TTYH2: variants seen among roughly 807,000 people sequenced by gnomAD.
TTYH2 encodes the protein tweety family member 2.
TTYH2 carries 49 observed loss-of-function variants against 68.3 expected under a neutral mutation model. The observed-to-expected ratio is 0.72, with a 90% confidence interval of 0.57 to 0.91. The LOEUF (loss-of-function observed/expected upper bound fraction) is 0.91. Among genes scored for constraint, TTYH2 ranks in the 40% least tolerant of loss-of-function variants. The pLI, the probability that TTYH2 is intolerant of heterozygous loss-of-function variation, is 0.00. For missense variants in TTYH2, 631 were observed against 700.4 expected, an observed-to-expected ratio of 0.90 and a Z score of 1.12; for synonymous variants, 272 against 300.8, an observed-to-expected ratio of 0.90 and a Z score of 0.99.
rs185279437 is a variant in TTYH2 at position 74,233,133 on chromosome 17, C to T, written c.414+2134C>T. 9.8e-5 allele frequency among the ~76,000 whole-genome samples: 15 copies of T among 152,294 alleles called. No homozygotes were observed. The East Asian group carries it at 2.9e-3, about 29-fold the overall frequency. The stretch of plus-strand genomic sequence containing the variant: ...CAGGGCTTCACACTGGTCCAGCCAG[C>T]CCATAGCTGCCTCCAGCCTGTGGGT... On this transcript the variant is annotated intron_variant, in intron 3 of 13. Transcript: ENST00000269346.
At chr17:74,228,988 G>A (rs901859813) in intron 2 of TTYH2, among the ~76,000 whole-genome samples, 1 of 152,154 alleles carries the variant, frequency 6.6e-6, no homozygotes, top group Non-Finnish European at 1.5e-5. Context: ...GATGGGGCAC[G>A]GTGCAGAACT....
chr17:74,237,047 C>G (rs1255548747), intron 3 of TTYH2, among the ~76,000 whole-genome samples: 1 of 152,074 alleles, frequency 6.6e-6, no homozygotes, highest in Non-Finnish European at 1.5e-5. Context: ...TAGGTACATG[C>G]CACCACACCT....
In TTYH2 at chr17:74,222,944, G is replaced by C. The variant is rs1312835519; in HGVS notation, c.302+287G>C. On this transcript the variant is annotated intron_variant, in intron 2 of 13. Transcript: ENST00000269346. This position sits in a 1 kb window ranked among gnomAD's most constrained non-coding sequence, Gnocchi z 5.2. ...AGGCAGCATTTCTGCACCGACACTG[G>C]GCATCTCCAGTCTCTGTCCCTGGCC... Among the ~76,000 whole-genome samples the C allele has an allele frequency of 7.2e-5, 11 of 152,056 alleles. No individual in the cohort carries two copies. Among genetic ancestry groups the C allele is most frequent in the Non-Finnish European group, 5.9e-5 (4 of 68,024 alleles).
At chr17:74,250,570 G>C (rs7223962) in intron 10 of TTYH2, 199,546 of 540,176 alleles carry the variant, frequency 0.37, 38,723 homozygotes, top group African/African-American at 0.48. Context: ...CCAGGGGTTC[G>C]GGATGGGAGG....
chr17:74,227,411 A>G (rs2050340958), intron 2 of TTYH2, among the ~76,000 whole-genome samples: 1 of 152,128 alleles, frequency 6.6e-6, no homozygotes, highest in Non-Finnish European at 1.5e-5. Flanking sequence ...ATCGTGACTC[A>G]GAGAGCTAGA....
rs201207644 is a variant in TTYH2 at position 74,222,643 on chromosome 17, C to T, written c.288C>T (p.Ala96=). ...GCATCACCTGGACGGCCGTGGTGGC[C>T]GGGCTCATCTGCTGGTGAGTGTCCC... ...SCCITWTAVV[A]GLICCAAVGV... The change falls in exon 2 of 14, where the codon GCC becomes GCT. Residue 96 remains alanine, a synonymous_variant. Coordinates refer to ENST00000269346, the MANE Select transcript of TTYH2 (RefSeq NM_032646.6). This position sits in a 1 kb window ranked among gnomAD's most constrained non-coding sequence, Gnocchi z 5.2. 38 of 1,609,384 alleles carry T rather than the reference C, an allele frequency of 2.4e-5. No homozygotes were observed. Among genetic ancestry groups the T allele is most frequent in the Middle Eastern group, 1.7e-4 (1 of 5,966 alleles).
chr17:74,258,345 A>C (rs2050713621), intron 13 of TTYH2, among the ~76,000 whole-genome samples: 2 of 151,354 alleles, frequency 1.3e-5, no homozygotes, highest in Admixed American at 1.3e-4. Flanking sequence ...GGCTCACTGC[A>C]ACCTCCGCTC....
chr17:74,244,418 G>A (rs1236811208), intron 6 of TTYH2, among the ~76,000 whole-genome samples: 1 of 152,196 alleles, frequency 6.6e-6, no homozygotes, highest in African/African-American at 2.4e-5. Flanking sequence ...AATGGGTAGG[G>A]GTCCAAGCCT....
chr17:74,239,024 G>A lies in TTYH2; in HGVS notation c.635+1510G>A, dbSNP rs1275853627. On this transcript the variant is annotated intron_variant, in intron 4 of 13. Transcript: ENST00000269346. The surrounding 1 kb of genome is among the most constrained non-coding windows in gnomAD (Gnocchi z 5.3). ...CCATGCCCAGACCAGCCTCACTTATGTAGAACCTGAGTGATGGGGACTGAG... is the reference window on the plus strand; with the variant it reads ...CCATGCCCAGACCAGCCTCACTTATATAGAACCTGAGTGATGGGGACTGAG... Among the ~76,000 whole-genome samples, 2 of 152,088 alleles carry A rather than the reference G, an allele frequency of 1.3e-5. No individual in the cohort carries two copies. The highest frequency in any genetic ancestry group is 2.9e-5 in the Non-Finnish European group (2 of 68,012).
chr17:74,238,794 G>C (rs1458874880), intron 4 of TTYH2, among the ~76,000 whole-genome samples: 1 of 151,684 alleles, frequency 6.6e-6, no homozygotes, highest in Non-Finnish European at 1.5e-5. Flanking sequence ...TTGAACCCAG[G>C]AGGTGGAGGT....
intron 13 of TTYH2, among the ~76,000 whole-genome samples, chr17:74,258,843 G>A (rs917510153): frequency 6.6e-6 from 1 of 152,026 alleles, no homozygotes; most frequent in Non-Finnish European, 1.5e-5. Context: ...AACATCCCTG[G>A]TTGAGACCCA....
intron 11 of TTYH2, 109 bp from the exon 12 acceptor site, chr17:74,252,972 G>C: frequency 1.7e-6 from 2 of 1,165,730 alleles, no homozygotes; most frequent in Non-Finnish European, 1.3e-6. Context: ...AAGGAGACAC[G>C]CGTGGCCAGA....
At position 74,252,267 on chromosome 17, in the gene TTYH2, G is replaced by T. The variant is rs756035746; in HGVS notation, c.1150G>T (p.Asp384Tyr). 6.2e-7 allele frequency: 1 copy of T among 1,613,494 alleles called. No individual in the cohort carries two copies. The highest frequency in any genetic ancestry group is 1.1e-5 in the South Asian group (1 of 91,080). The change falls in exon 11 of 14, where the codon GAC (aspartate) becomes TAC (tyrosine). Residue 384 changes from aspartate (D) to tyrosine (Y), a missense_variant. Coordinates refer to ENST00000269346, the MANE Select transcript of TTYH2 (RefSeq NM_032646.6). ...YLDALAGICY[D>Y]GLQGLLYLGL... ...GGACGCTCTTGCTGGCATCTGCTAC[G>T]ACGGCCTCCAGGGCTTGCTGTACCT...
Position 74,222,608 on chromosome 17 carries a change from C to T in TTYH2, c.253C>T (p.His85Tyr), listed in dbSNP as rs11538876. 2.2e-5 allele frequency: 35 copies of T among 1,611,958 alleles called. No homozygotes were observed. The African/African-American group carries it at 4.5e-4, about 21-fold the overall frequency. ...CGATGCGGTGCAGACCAAGCAGCAC[C>T]ACTCCTGCTGCATCACCTGGACGGC... is the stretch of plus-strand genomic sequence containing the variant. Reference protein sequence around the residue: ...RDDAVQTKQHHSCCITWTAVV... With the variant: ...RDDAVQTKQHYSCCITWTAVV... The change falls in exon 2 of 14, where the codon CAC (histidine) becomes TAC (tyrosine). Residue 85 changes from histidine to tyrosine, a missense_variant. His to Tyr is a moderately conservative substitution (Grantham distance 83). Coordinates refer to ENST00000269346, the MANE Select transcript of TTYH2 (RefSeq NM_032646.6). The surrounding 1 kb of genome is among the most constrained non-coding windows in gnomAD (Gnocchi z 5.2).
chr17:74,260,278 T>G lies in TTYH2; in HGVS notation c.*69T>G. ...TAATTAGTGCAAATACAAGCTGCGT[T>G]TCTTTAATAGAAACCAAAGGCATCT... On this transcript the variant is annotated 3_prime_UTR_variant, in exon 14 of 14. Coordinates refer to ENST00000269346, the MANE Select transcript of TTYH2 (RefSeq NM_032646.6). The G allele has an allele frequency of 9.8e-6, 15 of 1,528,288 alleles. No individual in the cohort carries two copies. Among genetic ancestry groups the G allele is most frequent in the Non-Finnish European group, 1.4e-5 (15 of 1,106,768 alleles). 94.7% of individuals were successfully genotyped at this position (1,528,288 alleles called of 1,614,324 possible).
rs142285526 is a variant in TTYH2 at position 74,239,912 on chromosome 17, G to A, written c.635+2398G>A. On this transcript the variant is annotated intron_variant, in intron 4 of 13. Transcript: ENST00000269346. The surrounding 1 kb of genome is among the most constrained non-coding windows in gnomAD (Gnocchi z 5.3). ...AGGCAGGGGCAGGACCCATTTTAAC[G>A]TCACTCTTCTCTGAGCACACCTAGC... Among the ~76,000 whole-genome samples, 1,259 of 152,282 alleles carry A rather than the reference G, an allele frequency of 8.3e-3. 14 individuals are homozygous for A. The highest frequency in any genetic ancestry group is 0.038 in the South Asian group (184 of 4,824).
chr17:74,242,197 C>A (rs2050508926), intron 4 of TTYH2, among the ~76,000 whole-genome samples: 1 of 152,074 alleles, frequency 6.6e-6, no homozygotes, highest in South Asian at 2.1e-4. Context: ...CAGTCCAGCC[C>A]TGGGGACAAA....
intron 6 of TTYH2, among the ~76,000 whole-genome samples, chr17:74,246,028 C>T (rs1215339850): frequency 2.6e-5 from 4 of 152,146 alleles, no homozygotes; most frequent in African/African-American, 7.2e-5. Context: ...GGCCACCCCT[C>T]GTGGTCAGCA....
chr17:74,243,899 TG>T, intron 5 of TTYH2, 77 bp from the exon 6 acceptor site: 2 of 1,078,378 alleles, frequency 1.9e-6, no homozygotes, highest in Non-Finnish European at 2.4e-6. Context: ...TGCAAGGGTC[TG>T]GGGGCAGGGT....
Sources: gnomAD v4.1 joint callset for allele counts (sites outside exome capture counted in the v4.1 genomes callset) on GRCh38, gnomAD v4.1.1 for gene constraint, Gnocchi (gnomAD v3.1) non-coding constraint, MANE v1.5 for transcripts, NCBI Gene and HGNC (gene_info 2026-07-23, HGNC 2026-07-21) for gene names.